The following TRIM37 variants were observed in gnomAD, a reference collection of about 807,000 sequenced individuals.
TRIM37 encodes E3 ubiquitin-protein ligase TRIM37.
A neutral mutation model predicts 129.8 loss-of-function variants in TRIM37; 80 were observed. The ratio of observed to expected loss-of-function variants is 0.62; its 90% CI spans 0.51 to 0.74. The LOEUF is 0.74. Among genes scored for constraint, TRIM37 ranks in the 30% least tolerant of loss-of-function variants. The pLI, the probability that TRIM37 is intolerant of heterozygous loss-of-function variation, is 0.00. For synonymous variants in TRIM37, 389 were observed against 387.1 expected (o/e 1.00, Z -0.06); for missense variants, 1,054 against 1,176.5 (o/e 0.90, Z 1.52).
At chr17:59,050,705 C>A (rs534405534) in intron 14 of TRIM37, among the ~76,000 whole-genome samples, 1 of 152,080 alleles carries the variant, frequency 6.6e-6, no homozygotes, top group Middle Eastern at 3.4e-3. Context: ...AGTGGCAGGG[C>A]GTGGTGGCTC....
chr17:59,037,970 T>G (rs2038741143), intron 17 of TRIM37, among the ~76,000 whole-genome samples: 1 of 152,158 alleles, frequency 6.6e-6, no homozygotes. Context: ...TCCCTCATGA[T>G]TAGATTGTGT....
chr17:59,065,864 T>C (rs1250368517), intron 9 of TRIM37, among the ~76,000 whole-genome samples: 1 of 152,234 alleles, frequency 6.6e-6, no homozygotes, highest in African/African-American at 2.4e-5. Flanking sequence ...TTTATTTCAA[T>C]GTAAGTACGT....
Position 59,049,298 on chromosome 17 carries a change from T to C in TRIM37, c.1410A>G (p.Thr470=). 1 of 1,614,188 alleles carries C rather than the reference T, an allele frequency of 6.2e-7. No homozygotes were observed. The highest frequency in any genetic ancestry group is 8.5e-7 in the Non-Finnish European group (1 of 1,180,020). ...CAGAGCATGCAGACTTCTTAGCTCG[T>C]GTCTCCAGAGCATCATCATTTTGGG... The part of the protein sequence containing the change: ...LSPQNDDALE[T]RAKKSACSDM... The change falls in exon 15 of 24, where the codon ACA becomes ACG. Residue 470 remains threonine (T), a synonymous_variant. Transcript: ENST00000262294.
intron 4 of TRIM37, among the ~76,000 whole-genome samples, chr17:59,086,019 C>T (rs1481318603): frequency 2.6e-5 from 4 of 151,994 alleles, no homozygotes; most frequent in Non-Finnish European, 4.4e-5. Flanking sequence ...TGGTGGCTGC[C>T]AGGGGCTGGT....
At chr17:59,106,005 TAGGA>T (rs903905979) in intron 1 of TRIM37, among the ~76,000 whole-genome samples, 4 of 152,104 alleles carry the variant, frequency 2.6e-5, no homozygotes, top group African/African-American at 9.7e-5. Flanking sequence ...TGATTCAATC[TAGGA>T]AGGAAGGGCA....
rs921634064 is a variant in TRIM37 at position 59,001,668 on chromosome 17, C to T, written c.2742G>A (p.Glu914=). 1 of 1,613,964 alleles carries T rather than the reference C, an allele frequency of 6.2e-7. No individual in the cohort carries two copies. The highest frequency in any genetic ancestry group is 8.5e-7 in the Non-Finnish European group (1 of 1,179,990). ...SDIECDTENE[E]QEEHTSVGGF... ...CGCCCACACTGGTATGCTCTTCCTG[C>T]TCCTCATTCTCAGTGTCACATTCAA... Residue 914 remains glutamate (E), a synonymous_variant, in exon 23 of 24, where the codon GAG becomes GAA. Transcript: ENST00000262294.
the TRIM37 span, among the ~76,000 whole-genome samples, chr17:58,973,587 G>T: frequency 4.0e-5 from 6 of 151,428 alleles, no homozygotes; most frequent in African/African-American, 7.3e-5. Context: ...GGCTGAAGAG[G>T]GTTTGAGCCC....
intron 2 of TRIM37, among the ~76,000 whole-genome samples, chr17:59,095,782 A>G (rs1425115444): frequency 6.6e-6 from 1 of 152,212 alleles, no homozygotes; most frequent in Non-Finnish European, 1.5e-5. Flanking sequence ...GCAGTGGCCC[A>G]AACACAGCTC....
At chr17:59,052,622 A>G (rs1192279764) in intron 13 of TRIM37, among the ~76,000 whole-genome samples, 5 of 152,128 alleles carry the variant, frequency 3.3e-5, no homozygotes, top group Non-Finnish European at 1.5e-5. Flanking sequence ...ATTATATGTT[A>G]TAACTGGATG....
chr17:59,013,019 A>T (rs1005591057), intron 21 of TRIM37, among the ~76,000 whole-genome samples: 1 of 152,128 alleles, frequency 6.6e-6, no homozygotes, highest in Admixed American at 6.6e-5. Context: ...AATACACAGG[A>T]TCTCTCTGCA....
chr17:59,015,394 C>G (rs1413750344), intron 21 of TRIM37, among the ~76,000 whole-genome samples: 4 of 151,900 alleles, frequency 2.6e-5, no homozygotes, highest in African/African-American at 9.7e-5. Context: ...GAGCTGAGAT[C>G]ACGCCACTGC....
intron 19 of TRIM37, among the ~76,000 whole-genome samples, chr17:59,024,344 C>A (rs1422757461): frequency 2.0e-5 from 3 of 151,474 alleles, no homozygotes; most frequent in African/African-American, 7.3e-5. Context: ...ATTCCACTCA[C>A]AACAGCTACC....
Position 59,070,939 on chromosome 17 carries a change from A to G in TRIM37, c.693T>C (p.Ser231=), listed in dbSNP as rs2042308944. ...TAGATATCAACTCACTCTTACTACA[A>G]GACCGCAACTGTGTGAGGAAAAAAA... ...LLQEVEHQLR[S]CSKSELISKS... is the part of the protein sequence containing the mutation. Residue 231 remains serine (S), a synonymous_variant, in exon 9 of 24, where the codon TCT becomes TCC. Transcript: ENST00000262294. 1.2e-6 allele frequency: 2 copies of G among 1,613,750 alleles called. No homozygotes were observed. The highest frequency in any genetic ancestry group is 1.1e-5 in the South Asian group (1 of 90,964).
At chr17:58,972,191 G>C in the TRIM37 span, 1 of 1,613,720 alleles carries the variant, frequency 6.2e-7, no homozygotes, top group South Asian at 1.1e-5. Context: ...TGCTACATGT[G>C]GCCTGGGTGG....
intron 16 of TRIM37, among the ~76,000 whole-genome samples, chr17:59,047,033 A>G (rs938325033): frequency 2.0e-5 from 3 of 151,808 alleles, no homozygotes; most frequent in Admixed American, 6.6e-5. Flanking sequence ...GGGCGCCTGT[A>G]GTTCTAGCTG....
At chr17:59,079,673 T>C in intron 7 of TRIM37, 81 bp downstream of exon 7, 1 of 1,558,256 alleles carries the variant, frequency 6.4e-7, no homozygotes, top group Non-Finnish European at 8.8e-7. Flanking sequence ...CTTCCTAGGA[T>C]GATCACCCTT....
At chr17:59,053,510 A>G (rs1175759545) in intron 13 of TRIM37, among the ~76,000 whole-genome samples, 2 of 152,088 alleles carry the variant, frequency 1.3e-5, no homozygotes, top group Non-Finnish European at 2.9e-5. Flanking sequence ...CCATGTCTAT[A>G]TTTTTCTTAT....
chr17:58,980,096 G>A (rs2031273126), downstream of TRIM37: 1 of 1,614,022 alleles, frequency 6.2e-7, no homozygotes, highest in Non-Finnish European at 8.5e-7. The surrounding 1 kb of genome is among the most constrained non-coding windows in gnomAD (Gnocchi z 4.7). Context: ...GAACCCTGAT[G>A]AGGCAGTGAA....
chr17:58,979,341 A>C (rs1436076044), downstream of TRIM37, among the ~76,000 whole-genome samples: 3 of 152,126 alleles, frequency 2.0e-5, no homozygotes, highest in Non-Finnish European at 4.4e-5. Flanking sequence ...AATCAAGAAA[A>C]CTGCATTCAG....
Sources: allele counts gnomAD v4.1 joint callset (sites outside exome capture counted in the v4.1 genomes callset), GRCh38; gene constraint gnomAD v4.1.1; non-coding constraint Gnocchi (gnomAD v3.1); transcripts MANE v1.5; gene names NCBI Gene and HGNC (gene_info 2026-07-23, HGNC 2026-07-21).